ANKS1B: variants seen among roughly 807,000 people sequenced by gnomAD.
ANKS1B encodes ankyrin repeat and sterile alpha motif domain-containing protein 1B.
In ANKS1B, 36 loss-of-function variants were observed where a neutral mutation model predicts 148.3. The ratio of observed to expected loss-of-function variants is 0.24; its 90% CI spans 0.19 to 0.32. The LOEUF (loss-of-function observed/expected upper bound fraction) is 0.32, where lower values mean the gene tolerates loss of function less well. Among genes scored for constraint, ANKS1B ranks in the 10% least tolerant of loss-of-function variants. The probability of loss-of-function intolerance (pLI) is 1.00; values close to 1 mark genes in which losing one functional copy is unlikely to be tolerated. For synonymous variants in ANKS1B, 542 were observed against 560.8 expected (o/e 0.97, Z 0.47); for missense variants, 1,157 against 1,542.6 (o/e 0.75, Z 4.19).
At chr12:99,308,161 A>G (rs2082615534) in intron 12 of ANKS1B, among the ~76,000 whole-genome samples, 2 of 152,128 alleles carry the variant, frequency 1.3e-5, no homozygotes, top group African/African-American at 4.8e-5. Context: ...TTATAATTCT[A>G]TAGAAATTAT....
chr12:99,792,375 T>A (rs1230804721), intron 4 of ANKS1B, among the ~76,000 whole-genome samples: 54 of 152,012 alleles, frequency 3.6e-4, no homozygotes, highest in Admixed American at 3.5e-3. Flanking sequence ...GATGGAATAC[T>A]TACAAACCCA....
chr12:99,462,944 C>T (rs2096009493), intron 10 of ANKS1B, among the ~76,000 whole-genome samples: 1 of 152,178 alleles, frequency 6.6e-6, no homozygotes, highest in Non-Finnish European at 1.5e-5. Context: ...CCTGAGGCCT[C>T]ATTGTAAGCT....
At chr12:99,892,008 T>C (rs1445189803) in intron 1 of ANKS1B, among the ~76,000 whole-genome samples, 3 of 152,068 alleles carry the variant, frequency 2.0e-5, no homozygotes, top group East Asian at 3.9e-4. Flanking sequence ...ATAGGTTTTT[T>C]TGTTTGTTTG....
At chr12:99,492,559 A>G (rs2096565838) in intron 10 of ANKS1B, among the ~76,000 whole-genome samples, 1 of 152,230 alleles carries the variant, frequency 6.6e-6, no homozygotes, top group Admixed American at 6.5e-5. Flanking sequence ...TGAGGCCAGC[A>G]TCATCCTGAT....
chr12:99,797,129 A>C (rs1602344847), intron 4 of ANKS1B, among the ~76,000 whole-genome samples: 1 of 152,080 alleles, frequency 6.6e-6, no homozygotes, highest in African/African-American at 2.4e-5. Flanking sequence ...AATATGTCAA[A>C]CCCATGGACT....
intron 1 of ANKS1B, among the ~76,000 whole-genome samples, chr12:99,932,208 G>T (rs1473228802): frequency 2.0e-5 from 3 of 152,104 alleles, no homozygotes; most frequent in Non-Finnish European, 4.4e-5. Flanking sequence ...TTTGGCTATT[G>T]GGAATAGTGC....
At chr12:99,488,082 A>G in intron 10 of ANKS1B, among the ~76,000 whole-genome samples, 1 of 152,074 alleles carries the variant, frequency 6.6e-6, no homozygotes, top group East Asian at 1.9e-4. Flanking sequence ...TAATATTATA[A>G]AGTATTCCTC....
chr12:99,910,660 T>G (rs746229082), intron 1 of ANKS1B, among the ~76,000 whole-genome samples: 7 of 152,108 alleles, frequency 4.6e-5, no homozygotes, highest in Admixed American at 1.3e-4. Context: ...GTTAATATAT[T>G]AAAAACCATC....
intron 17 of ANKS1B, among the ~76,000 whole-genome samples, chr12:98,926,359 A>G (rs1597059150): frequency 6.6e-6 from 1 of 152,338 alleles, no homozygotes; most frequent in East Asian, 1.9e-4. Flanking sequence ...CAGGAAAGTC[A>G]CTAAACAAAC....
At chr12:99,215,359 C>A (rs1419035386) in intron 14 of ANKS1B, among the ~76,000 whole-genome samples, 2 of 152,202 alleles carry the variant, frequency 1.3e-5, no homozygotes, top group Non-Finnish European at 2.9e-5. Flanking sequence ...AGATCCCCCA[C>A]ACAGAGTCCC....
intron 1 of ANKS1B, among the ~76,000 whole-genome samples, chr12:99,887,954 T>A (rs994570809): frequency 2.6e-5 from 4 of 152,212 alleles, no homozygotes; most frequent in Non-Finnish European, 5.9e-5. Context: ...AAGTATGACC[T>A]GTCTGTAGTT....
chr12:99,024,556 C>G lies in ANKS1B; in HGVS notation c.2778+28601G>C, dbSNP rs746407910. 3.9e-5 allele frequency among the ~76,000 whole-genome samples: 6 copies of G among 152,106 alleles called. No homozygotes were observed. In the East Asian group the frequency reaches 1.2e-3, roughly 29 times the overall value. On this transcript the variant is annotated intron_variant, in intron 17 of 26. Transcript: ENST00000683438. ...TGGTCATTGGATAGACATATTTGAG[C>G]CTTATCCTCTTATATTTTGCATCTT...
At chr12:99,538,737 T>C (rs2097096989) in intron 9 of ANKS1B, among the ~76,000 whole-genome samples, 2 of 152,188 alleles carry the variant, frequency 1.3e-5, no homozygotes, top group South Asian at 2.1e-4. Flanking sequence ...TATATCTTTC[T>C]GTTGTCTGAT....
At position 99,401,242 on chromosome 12, in the gene ANKS1B, G is replaced by C. The variant is rs1027844945; in HGVS notation, c.1576-1431C>G. On this transcript the variant is annotated intron_variant, in intron 11 of 26. Transcript: ENST00000683438. ...AGGCTTGGTTTCTCATGAAATGTCT[G>C]TCCTTGGGACTGCTGAATCTCAATT... Among the ~76,000 whole-genome samples, 2 of 146,048 alleles carry C rather than the reference G, an allele frequency of 1.4e-5. 1 individual carries two copies. Among genetic ancestry groups the C allele is most frequent in the African/African-American group, 5.2e-5 (2 of 38,516 alleles).
At chr12:99,140,995 C>T (rs1224853620) in intron 15 of ANKS1B, among the ~76,000 whole-genome samples, 1 of 152,144 alleles carries the variant, frequency 6.6e-6, no homozygotes, top group Non-Finnish European at 1.5e-5. Context: ...TGATGGTACC[C>T]ACTCTCTCTG....
chr12:98,958,366 C>G (rs943077767), intron 17 of ANKS1B, among the ~76,000 whole-genome samples: 1 of 152,190 alleles, frequency 6.6e-6, no homozygotes, highest in Admixed American at 6.5e-5. Flanking sequence ...AGCAATATAT[C>G]TTAGAGTGAG....
At chr12:99,602,637 T>C (rs1227634213) in intron 9 of ANKS1B, among the ~76,000 whole-genome samples, 2 of 152,088 alleles carry the variant, frequency 1.3e-5, no homozygotes, top group Non-Finnish European at 2.9e-5. Flanking sequence ...ATGAAGGTTG[T>C]TCATACAAAA....
rs551527727 is a variant in ANKS1B at position 99,887,086 on chromosome 12, G to A, written c.135-61697C>T. On this transcript the variant is annotated intron_variant, in intron 1 of 26. Coordinates refer to ENST00000683438, the MANE Select transcript of ANKS1B (RefSeq NM_001352186.2). ...ATGTAGCATCCTACAGTGTAGGTAC[G>A]TGGGGTATTAATATCCCACCCTCCT... is the stretch of plus-strand genomic sequence containing the variant. Among the ~76,000 whole-genome samples, 36 of 152,238 alleles carry A rather than the reference G, an allele frequency of 2.4e-4. 1 individual carries two copies. The highest frequency in any genetic ancestry group is 4.7e-4 in the Non-Finnish European group (32 of 68,010).
rs529586419 is a variant in ANKS1B, at chr12:98,907,554, T to A, written c.2779-75418A>T. ...TGGATTCAGTCCTTGACCACTCTCT[T>A]CCCCCAATGGTGGTGGTGGGGGAGT... On this transcript the variant is annotated intron_variant, in intron 17 of 26. Coordinates refer to ENST00000683438, the MANE Select transcript of ANKS1B (RefSeq NM_001352186.2). 2.6e-5 allele frequency among the ~76,000 whole-genome samples: 4 copies of A among 152,240 alleles called. No homozygotes were observed. The East Asian group carries it at 5.8e-4, about 22-fold the overall frequency.
Sources: gnomAD v4.1 joint callset for allele counts (sites outside exome capture counted in the v4.1 genomes callset) on GRCh38, gnomAD v4.1.1 for gene constraint, MANE v1.5 for transcripts, NCBI Gene and HGNC (gene_info 2026-07-23, HGNC 2026-07-21) for gene names.